LYZL1: variants seen among roughly 807,000 people sequenced by gnomAD.
LYZL1 encodes lysozyme-like protein 1.
LYZL1 carries 16 observed loss-of-function variants against 17.9 expected under a neutral mutation model. The observed-to-expected ratio is 0.90, with a 90% CI of 0.61 to 1.36. LYZL1 has a LOEUF of 1.36. Among genes scored for constraint, LYZL1 ranks in the 40% most tolerant of loss-of-function variants. LYZL1 has a pLI of 0.00. For missense variants in LYZL1, 149 were observed against 188.4 expected, an observed-to-expected ratio of 0.79 and a Z score of 1.22; for synonymous variants, 58 against 71.8, an observed-to-expected ratio of 0.81 and a Z score of 0.97.
chr10:29,297,102 G>A (rs558149871), intron 3 of LYZL1, among the ~76,000 whole-genome samples: 28 of 144,884 alleles, frequency 1.9e-4, no homozygotes, highest in Admixed American at 1.0e-3. Context: ...AAAAAAAAGA[G>A]AGAAAAAGGA....
At chr10:29,315,283 G>T (rs961985655), downstream of LYZL1, among the ~76,000 whole-genome samples, 5 of 152,112 alleles carry the variant, frequency 3.3e-5, no homozygotes, top group Non-Finnish European at 1.5e-5. Context: ...GCCAAGGTGG[G>T]CGGATCACCT....
At chr10:29,298,276 C>T (rs2132821542) in intron 3 of LYZL1, among the ~76,000 whole-genome samples, 1 of 152,272 alleles carries the variant, frequency 6.6e-6, no homozygotes. Context: ...AAGGGGTCTG[C>T]AGGGAGAGGA....
chr10:29,295,936 A>C (rs1835441085), intron 3 of LYZL1, among the ~76,000 whole-genome samples: 1 of 152,128 alleles, frequency 6.6e-6, no homozygotes, highest in Non-Finnish European at 1.5e-5. Flanking sequence ...CTCTGCCAAA[A>C]CTCAAGTGAG....
chr10:29,298,001 T>C (rs528947736), intron 3 of LYZL1, among the ~76,000 whole-genome samples: 18 of 152,316 alleles, frequency 1.2e-4, no homozygotes, highest in African/African-American at 3.6e-4. Context: ...TCAGTACATT[T>C]TGAGCATAGA....
intron 1 of LYZL1, 128 bp downstream of exon 1, chr10:29,289,358 G>C (rs1236260353): frequency 1.5e-6 from 1 of 648,334 alleles, no homozygotes; most frequent in Non-Finnish European, 2.4e-6. Context: ...AAATTCTAAG[G>C]CAGGGGATGG....
downstream of LYZL1, among the ~76,000 whole-genome samples, chr10:29,315,990 A>G (rs371510122): frequency 1.1e-4 from 17 of 152,054 alleles, no homozygotes; most frequent in African/African-American, 4.1e-4. Context: ...GAAGGGTCCG[A>G]CTGCTTGAGG....
At chr10:29,309,698 G>A (rs754866857) in intron 3 of LYZL1, among the ~76,000 whole-genome samples, 22 of 152,082 alleles carry the variant, frequency 1.4e-4, no homozygotes, top group East Asian at 3.9e-4. Flanking sequence ...ATCTTGCTAC[G>A]TTGCCCAGGC....
At chr10:29,313,601 T>G (rs1835697500), downstream of LYZL1, among the ~76,000 whole-genome samples, 2 of 152,320 alleles carry the variant, frequency 1.3e-5, no homozygotes, top group Non-Finnish European at 1.5e-5. Flanking sequence ...ATCCTACTCT[T>G]CCCCTTCCCC....
downstream of LYZL1, among the ~76,000 whole-genome samples, chr10:29,314,876 C>G (rs1196461854): frequency 1.3e-5 from 2 of 152,164 alleles, no homozygotes; most frequent in Non-Finnish European, 2.9e-5. Flanking sequence ...ATCCAAGAGG[C>G]CCCTGCTGCC....
At chr10:29,296,949 A>C (rs913413352) in intron 3 of LYZL1, among the ~76,000 whole-genome samples, 9 of 152,198 alleles carry the variant, frequency 5.9e-5, no homozygotes, top group African/African-American at 9.7e-5. Context: ...AATGAAGCAA[A>C]AACCAAACAG....
chr10:29,306,254 A>G (rs1468812974), intron 3 of LYZL1, among the ~76,000 whole-genome samples: 1 of 152,134 alleles, frequency 6.6e-6, no homozygotes, highest in Non-Finnish European at 1.5e-5. Context: ...TGTAGCTAGA[A>G]AAAATAAGGA....
intron 3 of LYZL1, among the ~76,000 whole-genome samples, chr10:29,306,549 C>CAAAAAAAAAAAAAAAAAAAAAAAAAA (rs58001118): frequency 1.2e-4 from 6 of 48,804 alleles, no homozygotes; most frequent in African/African-American, 3.8e-4. Flanking sequence ...GACTCCGTCT[C>CAAAAAAAAAAAAAAAAAAAAAAAAAA]AAAAAAAAAA....
chr10:29,304,324 ACTCT>A (rs1292762687), intron 3 of LYZL1, among the ~76,000 whole-genome samples: 9 of 151,882 alleles, frequency 5.9e-5, no homozygotes, highest in Admixed American at 5.3e-4. Flanking sequence ...ATGATTATTG[ACTCT>A]CTATCTAGTG....
chr10:29,293,119 T>C (rs2132815321), intron 3 of LYZL1, among the ~76,000 whole-genome samples: 1 of 124,094 alleles, frequency 8.1e-6, no homozygotes, highest in South Asian at 2.7e-4. Flanking sequence ...TTTTTTTTCT[T>C]TTCTTTTCTT....
At chr10:29,295,589 TA>T (rs1835436245) in intron 3 of LYZL1, among the ~76,000 whole-genome samples, 2 of 152,218 alleles carry the variant, frequency 1.3e-5, no homozygotes, top group African/African-American at 4.8e-5. Flanking sequence ...CTCACTCTGT[TA>T]CCTTACAAGG....
chr10:29,307,799 ATATTTGTCTAGCAT>A (rs1445817633), intron 3 of LYZL1, among the ~76,000 whole-genome samples: 4 of 152,222 alleles, frequency 2.6e-5, no homozygotes, highest in African/African-American at 9.6e-5. Context: ...TTGTAAAGAA[ATATTTGTCTAGCAT>A]CATGACTGTT....
downstream of LYZL1, among the ~76,000 whole-genome samples, chr10:29,313,060 C>T (rs900507399): frequency 6.6e-5 from 10 of 152,144 alleles, no homozygotes; most frequent in Admixed American, 3.3e-4. Flanking sequence ...TCCTGCCCAC[C>T]GGCTTGCCTT....
chr10:29,301,726 A>G (rs1835521232), intron 3 of LYZL1, among the ~76,000 whole-genome samples: 1 of 152,204 alleles, frequency 6.6e-6, no homozygotes. Flanking sequence ...ATTAAATTTG[A>G]AAACATTTCA....
chr10:29,301,448 CCCA>C (rs1312042516), intron 3 of LYZL1, among the ~76,000 whole-genome samples: 1 of 152,196 alleles, frequency 6.6e-6, no homozygotes, highest in East Asian at 1.9e-4. Flanking sequence ...TCCTCAGCCT[CCCA>C]AAGTGCTGGG....
Sources: gnomAD v4.1 joint callset for allele counts (sites outside exome capture counted in the v4.1 genomes callset) on GRCh38, gnomAD v4.1.1 for gene constraint, MANE v1.5 for transcripts, NCBI Gene and HGNC (gene_info 2026-07-23, HGNC 2026-07-21) for gene names.